FRS2: variants seen among roughly 807,000 people sequenced by gnomAD.
FRS2 encodes fibroblast growth factor receptor substrate 2.
A neutral mutation model predicts 43.9 loss-of-function variants in FRS2; 8 were observed. That is an observed-to-expected ratio of 0.18 (90% CI 0.11 to 0.33). FRS2 has a LOEUF of 0.33. Among genes scored for constraint, FRS2 ranks in the 10% least tolerant of loss-of-function variants. The pLI, the probability that FRS2 is intolerant of heterozygous loss-of-function variation, is 1.00. For missense variants in FRS2, 534 were observed against 627.6 expected (o/e 0.85, Z 1.59); for synonymous variants, 219 against 220.3 (o/e 0.99, Z 0.05).
chr12:69,570,552 T>A (rs1255107625), intron 6 of FRS2, 35 bp downstream of exon 6: 1 of 1,324,972 alleles, frequency 7.5e-7, no homozygotes, highest in Non-Finnish European at 1.1e-6. Context: ...AATATTGTAT[T>A]TGAAATTGTT....
intron 1 of FRS2, among the ~76,000 whole-genome samples, chr12:69,478,778 T>C (rs941377347): frequency 6.7e-6 from 1 of 150,032 alleles, no homozygotes; most frequent in Non-Finnish European, 1.5e-5. Flanking sequence ...AATTATATAA[T>C]GAACTACCAT....
intron 3 of FRS2, among the ~76,000 whole-genome samples, chr12:69,561,844 T>TA (rs893507156): frequency 2.6e-5 from 4 of 152,142 alleles, no homozygotes; most frequent in African/African-American, 9.7e-5. Flanking sequence ...AATGGAACCT[T>TA]AGAGGTGGTT....
chr12:69,533,471 T>C (rs1490920511), intron 3 of FRS2, among the ~76,000 whole-genome samples: 2 of 152,032 alleles, frequency 1.3e-5, no homozygotes, highest in African/African-American at 4.8e-5. Context: ...TGCCTCAGCC[T>C]CCTGAGTAGC....
intron 3 of FRS2, among the ~76,000 whole-genome samples, chr12:69,536,266 G>A (rs1166435341): frequency 2.6e-5 from 4 of 151,080 alleles, no homozygotes; most frequent in Non-Finnish European, 3.0e-5. Context: ...CTGGGATTAC[G>A]TGTGTGCACC....
At chr12:69,492,376 GA>G (rs956335701) in intron 1 of FRS2, among the ~76,000 whole-genome samples, 17 of 152,312 alleles carry the variant, frequency 1.1e-4, no homozygotes, top group African/African-American at 4.1e-4. Flanking sequence ...AGGGGATCCT[GA>G]TATCTGTGAT....
chr12:69,521,074 T>C (rs908974904), intron 1 of FRS2, among the ~76,000 whole-genome samples: 3 of 152,228 alleles, frequency 2.0e-5, no homozygotes, highest in Non-Finnish European at 2.9e-5. Flanking sequence ...ATCTCTGATT[T>C]CTTTGAGCAG....
intron 3 of FRS2, among the ~76,000 whole-genome samples, chr12:69,557,329 ACT>A (rs1879441357): frequency 6.6e-6 from 1 of 152,160 alleles, no homozygotes; most frequent in Admixed American, 6.5e-5. Flanking sequence ...GAATGCACTG[ACT>A]CTATGAGATC....
intron 3 of FRS2, among the ~76,000 whole-genome samples, chr12:69,558,655 C>G (rs1879633554): frequency 6.6e-6 from 1 of 152,142 alleles, no homozygotes; most frequent in African/African-American, 2.4e-5. Context: ...CCCAGGGAGA[C>G]TTTTTTGATG....
intron 3 of FRS2, among the ~76,000 whole-genome samples, chr12:69,537,091 A>G (rs1414820485): frequency 4.6e-5 from 7 of 152,114 alleles, no homozygotes; most frequent in Non-Finnish European, 7.4e-5. Context: ...GGAAAGTCCA[A>G]TTAATCAGTA....
chr12:69,527,342 G>GTTTTTTTTTTTT (rs1294936661), intron 1 of FRS2, among the ~76,000 whole-genome samples: 5 of 33,148 alleles, frequency 1.5e-4, no homozygotes, highest in Non-Finnish European at 2.5e-4. Flanking sequence ...TTTTTTTAAT[G>GTTTTTTTTTTTT]ATTTTTTTTT....
intron 1 of FRS2, among the ~76,000 whole-genome samples, chr12:69,478,442 T>A (rs1423355083): frequency 3.9e-5 from 6 of 152,120 alleles, no homozygotes. Flanking sequence ...AATACCCACA[T>A]GGGGCTGGTG....
At chr12:69,531,360 A>G (rs1876774233) in intron 2 of FRS2, among the ~76,000 whole-genome samples, 1 of 152,116 alleles carries the variant, frequency 6.6e-6, no homozygotes, top group African/African-American at 2.4e-5. Context: ...TAGACATTAA[A>G]GTTACCTTGT....
At chr12:69,502,758 A>G (rs1230840546) in intron 1 of FRS2, among the ~76,000 whole-genome samples, 1 of 152,194 alleles carries the variant, frequency 6.6e-6, no homozygotes, top group African/African-American at 2.4e-5. Flanking sequence ...TTTCAAAGCT[A>G]TGTACCCCAT....
intron 7 of FRS2, among the ~76,000 whole-genome samples, chr12:69,571,794 G>A (rs1400450552): frequency 6.6e-6 from 1 of 152,170 alleles, no homozygotes. Context: ...AACCCGGGAG[G>A]TGGAGCTTGC....
At chr12:69,549,860 C>T (rs1878721229) in intron 3 of FRS2, among the ~76,000 whole-genome samples, 1 of 152,230 alleles carries the variant, frequency 6.6e-6, no homozygotes, top group Non-Finnish European at 1.5e-5. Flanking sequence ...TGATACCACA[C>T]TCTTGGGGGT....
intron 3 of FRS2, among the ~76,000 whole-genome samples, chr12:69,547,408 GC>G (rs2135724818): frequency 1.3e-5 from 2 of 152,206 alleles, no homozygotes; most frequent in African/African-American, 4.8e-5. Context: ...CTGCAGGTGA[GC>G]TATGGTCACA....
At chr12:69,513,781 G>T (rs982128758) in intron 1 of FRS2, among the ~76,000 whole-genome samples, 1 of 152,076 alleles carries the variant, frequency 6.6e-6, no homozygotes, top group African/African-American at 2.4e-5. Context: ...AAATTGTTGG[G>T]AATACATAGG....
chr12:69,576,630 G>T lies in FRS2; in HGVS notation c.*1675G>T, dbSNP rs527739765. 3.9e-5 allele frequency: 6 copies of T among 152,232 alleles called. No individual in the cohort carries two copies. In the East Asian group the frequency reaches 9.7e-4, roughly 25 times the overall value. 9.4% of individuals were successfully genotyped at this position (152,232 alleles called of 1,614,324 possible). On this transcript the variant is annotated 3_prime_UTR_variant, in exon 9 of 9. Transcript: ENST00000549921. ...TTGGCATCCAACCTATTCAGTAACCGAATCATAGGACAATGATGGATTAGG... is the reference window on the plus strand; with the variant it reads ...TTGGCATCCAACCTATTCAGTAACCTAATCATAGGACAATGATGGATTAGG...
chr12:69,574,647 A>G lies in FRS2; in HGVS notation c.1219A>G (p.Ile407Val). 1 of 1,614,218 alleles carries G rather than the reference A, an allele frequency of 6.2e-7. No homozygotes were observed. The highest frequency in any genetic ancestry group is 8.5e-7 in the Non-Finnish European group (1 of 1,180,030). The change falls in exon 9 of 9, where the codon ATA (isoleucine) becomes GTA (valine). Residue 407 changes from isoleucine (I) to valine (V), a missense_variant. Ile to Val is a conservative substitution (Grantham distance 29, BLOSUM62 3). Transcript: ENST00000549921. ...AACAGTGCCAGCAAGTGCTCACAAAATAGAATATTCAAGGCGTCGGGACTG... is the reference window on the plus strand; with the variant it reads ...AACAGTGCCAGCAAGTGCTCACAAAGTAGAATATTCAAGGCGTCGGGACTG... Reference protein sequence around the residue: ...NVTVPASAHKIEYSRRRDCTP... With the variant: ...NVTVPASAHKVEYSRRRDCTP...
Sources: gnomAD v4.1 joint callset for allele counts (sites outside exome capture counted in the v4.1 genomes callset) on GRCh38, gnomAD v4.1.1 for gene constraint, MANE v1.5 for transcripts, NCBI Gene and HGNC (gene_info 2026-07-23, HGNC 2026-07-21) for gene names.